The following SPIDR variants were observed in gnomAD, a reference collection of about 807,000 sequenced individuals.
SPIDR encodes scaffold protein involved in DNA repair.
SPIDR carries 93 observed loss-of-function variants against 104.6 expected under a neutral mutation model. That is an observed-to-expected ratio of 0.89 (90% CI 0.75 to 1.06). The LOEUF (loss-of-function observed/expected upper bound fraction) is 1.06, where lower values mean the gene tolerates loss of function less well. Ranked by LOEUF, SPIDR falls within the 50% of genes least tolerant of loss-of-function variation. The pLI is 0.00. For missense variants in SPIDR, 1,154 were observed against 1,111.2 expected (o/e 1.04, Z -0.55); for synonymous variants, 431 against 416.9 (o/e 1.03, Z -0.41).
intron 8 of SPIDR, among the ~76,000 whole-genome samples, chr8:47,452,491 G>A (rs187479450): frequency 1.3e-5 from 2 of 152,144 alleles, no homozygotes; most frequent in Admixed American, 6.5e-5. Context: ...GAATCCAGCA[G>A]CACATCAAAA....
intron 8 of SPIDR, among the ~76,000 whole-genome samples, chr8:47,563,407 A>G (rs1016909858): frequency 2.0e-5 from 3 of 152,036 alleles, no homozygotes; most frequent in Admixed American, 1.3e-4. Flanking sequence ...TCCAGGATTC[A>G]AGCTATTCTT....
intron 10 of SPIDR, among the ~76,000 whole-genome samples, chr8:47,627,617 A>G (rs1469256003): frequency 6.6e-6 from 1 of 152,066 alleles, no homozygotes; most frequent in African/African-American, 2.4e-5. Context: ...TCTTCCTTCT[A>G]TGTGTTATAG....
intron 5 of SPIDR, among the ~76,000 whole-genome samples, chr8:47,342,427 C>T (rs782731033): frequency 2.0e-5 from 3 of 148,174 alleles, no homozygotes; most frequent in Non-Finnish European, 3.0e-5. Flanking sequence ...GCCTCCGCCT[C>T]CCGGATTCAA....
intron 8 of SPIDR, among the ~76,000 whole-genome samples, chr8:47,534,510 T>C (rs2086583834): frequency 6.6e-6 from 1 of 152,124 alleles, no homozygotes; most frequent in Admixed American, 6.6e-5. Flanking sequence ...CTATTATGCT[T>C]AGCAAAGTAA....
At chr8:47,540,819 A>G (rs1443756000) in intron 8 of SPIDR, among the ~76,000 whole-genome samples, 2 of 152,142 alleles carry the variant, frequency 1.3e-5, no homozygotes, top group African/African-American at 4.8e-5. Flanking sequence ...GTTAATGGAT[A>G]ATGGAATTTT....
intron 10 of SPIDR, among the ~76,000 whole-genome samples, chr8:47,610,847 A>C (rs978825968): frequency 6.6e-6 from 1 of 152,282 alleles, no homozygotes; most frequent in African/African-American, 2.4e-5. Context: ...TACAAAAGAC[A>C]GTGACAGATG....
intron 8 of SPIDR, among the ~76,000 whole-genome samples, chr8:47,467,209 G>A (rs1245189129): frequency 6.6e-6 from 1 of 151,944 alleles, no homozygotes; most frequent in African/African-American, 2.4e-5. Context: ...CTCCAAAATC[G>A]AGTCAGTAAT....
chr8:47,291,257 G>T, intron 4 of SPIDR, 120 bp downstream of exon 4: 1 of 574,996 alleles, frequency 1.7e-6, no homozygotes, highest in South Asian at 3.7e-5. Flanking sequence ...GTTAAATATT[G>T]GATTTAATAT....
chr8:47,716,249 G>C (rs1039075868), intron 16 of SPIDR, among the ~76,000 whole-genome samples: 2 of 152,062 alleles, frequency 1.3e-5, no homozygotes, highest in South Asian at 4.1e-4. Flanking sequence ...TGTGAACCAC[G>C]GCACCCAGCC....
intron 5 of SPIDR, among the ~76,000 whole-genome samples, chr8:47,381,190 C>T (rs1348913578): frequency 6.6e-6 from 1 of 152,082 alleles, no homozygotes; most frequent in African/African-American, 2.4e-5. Flanking sequence ...CCCTCTGTAC[C>T]CATTGTACCC....
intron 5 of SPIDR, among the ~76,000 whole-genome samples, chr8:47,394,182 C>T (rs897340176): frequency 1.3e-5 from 2 of 152,202 alleles, no homozygotes; most frequent in African/African-American, 4.8e-5. Context: ...GCTGGGATTA[C>T]ACCCACCCAG....
At chr8:47,502,000 G>C (rs1333056673) in intron 8 of SPIDR, among the ~76,000 whole-genome samples, 1 of 152,192 alleles carries the variant, frequency 6.6e-6, no homozygotes, top group African/African-American at 2.4e-5. Flanking sequence ...AAGCCCACTT[G>C]ATCATGGTCG....
intron 6 of SPIDR, among the ~76,000 whole-genome samples, chr8:47,403,962 T>C (rs1224690310): frequency 6.6e-6 from 1 of 152,104 alleles, no homozygotes; most frequent in Non-Finnish European, 1.5e-5. Flanking sequence ...ACTACAAAGC[T>C]ACAGTAAGCA....
At chr8:47,701,633 T>G in intron 12 of SPIDR, 88 bp from the exon 13 acceptor site, 1 of 1,292,840 alleles carries the variant, frequency 7.7e-7, no homozygotes, top group Non-Finnish European at 1.1e-6. Flanking sequence ...CAAATATGTA[T>G]ATATTAAAGA....
intron 10 of SPIDR, among the ~76,000 whole-genome samples, chr8:47,608,538 T>C (rs980885687): frequency 2.0e-5 from 3 of 152,230 alleles, no homozygotes; most frequent in African/African-American, 7.2e-5. Context: ...CCAAAGTGGC[T>C]ACACGATTTT....
At chr8:47,523,729 T>G (rs986479301) in intron 8 of SPIDR, among the ~76,000 whole-genome samples, 6 of 152,188 alleles carry the variant, frequency 3.9e-5, no homozygotes, top group African/African-American at 1.4e-4. Context: ...CAGATTTTTG[T>G]TTTTTAGTGG....
At chr8:47,582,862 AC>A (rs1465878694) in intron 8 of SPIDR, among the ~76,000 whole-genome samples, 25 of 137,604 alleles carry the variant, frequency 1.8e-4, no homozygotes, top group Non-Finnish European at 1.3e-4. Context: ...ACACACACAC[AC>A]ACACACATAT....
chr8:47,531,206 G>C (rs1339606046), intron 8 of SPIDR, among the ~76,000 whole-genome samples: 1 of 152,138 alleles, frequency 6.6e-6, no homozygotes, highest in African/African-American at 2.4e-5. Context: ...TTAAAAACTT[G>C]TAAAGTTTTT....
intron 8 of SPIDR, among the ~76,000 whole-genome samples, chr8:47,539,853 C>CCT (rs2087758669): frequency 6.6e-6 from 1 of 151,992 alleles, no homozygotes; most frequent in African/African-American, 2.4e-5. Flanking sequence ...CAGCTGGGTT[C>CCT]CTCTCTCTCC....
Sources: gnomAD v4.1 joint callset for allele counts (sites outside exome capture counted in the v4.1 genomes callset) on GRCh38, gnomAD v4.1.1 for gene constraint, MANE v1.5 for transcripts, NCBI Gene and HGNC (gene_info 2026-07-23, HGNC 2026-07-21) for gene names.